The following WWOX variants were observed in gnomAD, a reference collection of about 807,000 sequenced individuals.
WWOX encodes the protein WW domain-containing oxidoreductase.
A neutral mutation model predicts 46.2 loss-of-function variants in WWOX; 69 were observed. That is an observed-to-expected ratio of 1.49 (90% CI 1.23 to 1.82). The LOEUF (loss-of-function observed/expected upper bound fraction) is 1.82. WWOX is among the 40% of genes most tolerant of loss of function. The probability of loss-of-function intolerance (pLI) is 0.00; values close to 1 mark genes in which losing one functional copy is unlikely to be tolerated. For synonymous variants in WWOX, 359 were observed against 202.6 expected (o/e 1.77, Z -6.56); for missense variants, 919 against 542.6 (o/e 1.69, Z -6.89).
At chr16:78,508,358 G>T in intron 8 of WWOX, among the ~76,000 whole-genome samples, 1 of 121,418 alleles carries the variant, frequency 8.2e-6, no homozygotes, top group African/African-American at 3.5e-5. Flanking sequence ...ATCAGCTATT[G>T]TTAGTGTTAG....
At chr16:78,495,461 GTTTT>G (rs35245820) in intron 8 of WWOX, among the ~76,000 whole-genome samples, 1 of 148,466 alleles carries the variant, frequency 6.7e-6, no homozygotes, top group Non-Finnish European at 1.5e-5. Context: ...TTTTGATAGG[GTTTT>G]TTTTCTCAAG....
At chr16:78,851,731 G>C (rs763766581) in intron 8 of WWOX, among the ~76,000 whole-genome samples, 1 of 152,144 alleles carries the variant, frequency 6.6e-6, no homozygotes, top group African/African-American at 2.4e-5. Context: ...CAAATGAAGT[G>C]GACCTCCCCT....
At chr16:78,811,205 A>G (rs761551966) in intron 8 of WWOX, among the ~76,000 whole-genome samples, 1 of 152,182 alleles carries the variant, frequency 6.6e-6, no homozygotes, top group African/African-American at 2.4e-5. Context: ...GTTGTGATCT[A>G]CCTTATGTTG....
chr16:78,642,372 T>A (rs934185055), intron 8 of WWOX, among the ~76,000 whole-genome samples: 1 of 152,210 alleles, frequency 6.6e-6, no homozygotes, highest in Non-Finnish European at 1.5e-5. Flanking sequence ...TGTCCCTTTA[T>A]GCTGACTTTC....
intron 8 of WWOX, among the ~76,000 whole-genome samples, chr16:79,137,711 C>T (rs1208664672): frequency 6.6e-6 from 1 of 152,100 alleles, no homozygotes; most frequent in African/African-American, 2.4e-5. Flanking sequence ...CGACCCTCCT[C>T]CATCCCCTTC....
chr16:79,092,149 A>C (rs1416845804), intron 8 of WWOX, among the ~76,000 whole-genome samples: 1 of 152,124 alleles, frequency 6.6e-6, no homozygotes, highest in African/African-American at 2.4e-5. Flanking sequence ...GAATTAGGGG[A>C]GTTTGCCTGT....
At chr16:78,135,756 TAGC>T (rs2033769751) in intron 4 of WWOX, among the ~76,000 whole-genome samples, 2 of 151,986 alleles carry the variant, frequency 1.3e-5, no homozygotes, top group South Asian at 4.2e-4. Flanking sequence ...AAAAAGATAA[TAGC>T]AGGGAAAATG....
intron 5 of WWOX, among the ~76,000 whole-genome samples, chr16:78,285,893 AAAGCCAGCCTCTTTATTACT>A (rs1351608641): frequency 1.3e-5 from 2 of 152,158 alleles, no homozygotes; most frequent in African/African-American, 4.8e-5. Flanking sequence ...AGTATCTTGT[AAAGCCAGCCTCTTTATTACT>A]TCACCAGTTT....
At chr16:78,317,475 A>C (rs992245812) in intron 5 of WWOX, among the ~76,000 whole-genome samples, 7 of 152,138 alleles carry the variant, frequency 4.6e-5, no homozygotes, top group African/African-American at 1.7e-4. Context: ...CCCAAATGTC[A>C]ACAGTATTCA....
intron 5 of WWOX, among the ~76,000 whole-genome samples, chr16:78,188,255 C>T (rs1052904116): frequency 2.4e-4 from 37 of 151,948 alleles, no homozygotes; most frequent in African/African-American, 8.2e-4. Flanking sequence ...TTTGGGAGGC[C>T]GAGGCGGGCA....
intron 8 of WWOX, among the ~76,000 whole-genome samples, chr16:78,481,726 TG>T (rs965445403): frequency 8.9e-6 from 1 of 112,874 alleles, no homozygotes; most frequent in Non-Finnish European, 1.7e-5. Flanking sequence ...GCAAGGGAAG[TG>T]TGTGTGTGTG....
chr16:78,802,169 G>T (rs1480726741), intron 8 of WWOX, among the ~76,000 whole-genome samples: 1 of 149,036 alleles, frequency 6.7e-6, no homozygotes, highest in Non-Finnish European at 1.5e-5. Context: ...ACAACACAAA[G>T]AGCGAAGTTT....
intron 8 of WWOX, among the ~76,000 whole-genome samples, chr16:79,038,942 A>G (rs185753431): frequency 1.1e-4 from 16 of 152,286 alleles, no homozygotes; most frequent in African/African-American, 3.9e-4. Context: ...TCATGACCAC[A>G]TATATCTATT....
At chr16:78,338,294 C>G (rs1319587918) in intron 5 of WWOX, among the ~76,000 whole-genome samples, 1 of 121,484 alleles carries the variant, frequency 8.2e-6, no homozygotes, top group African/African-American at 2.8e-5. Context: ...GAAATGTAGA[C>G]ACCAACACCC....
intron 3 of WWOX, among the ~76,000 whole-genome samples, chr16:78,113,828 TAGAATG>T (rs2032625590): frequency 6.6e-6 from 1 of 152,112 alleles, no homozygotes; most frequent in Non-Finnish European, 1.5e-5. Flanking sequence ...TTGTTATAAA[TAGAATG>T]AGGATGAGGA....
chr16:78,231,238 C>G (rs372984568), intron 5 of WWOX, among the ~76,000 whole-genome samples: 12 of 152,292 alleles, frequency 7.9e-5, no homozygotes, highest in Middle Eastern at 6.8e-3. Context: ...TTTGCAAACT[C>G]TTTTATGGAT....
At chr16:79,134,241 G>A (rs1212982485) in intron 8 of WWOX, among the ~76,000 whole-genome samples, 1 of 152,132 alleles carries the variant, frequency 6.6e-6, no homozygotes, top group Non-Finnish European at 1.5e-5. Flanking sequence ...AATAACTGCT[G>A]AGGGCAGTAC....
At chr16:78,391,125 G>A (rs758321677) in intron 6 of WWOX, among the ~76,000 whole-genome samples, 15 of 152,176 alleles carry the variant, frequency 9.9e-5, no homozygotes, top group African/African-American at 2.4e-4. Context: ...ACCACCCGCC[G>A]TCTGCCTTCT....
chr16:78,480,929 T>G (rs1418364949), intron 8 of WWOX, among the ~76,000 whole-genome samples: 2 of 152,200 alleles, frequency 1.3e-5, no homozygotes, highest in Non-Finnish European at 2.9e-5. Context: ...AGATCAGTGT[T>G]TGGATATAGT....
Sources: gnomAD v4.1 joint callset for allele counts (sites outside exome capture counted in the v4.1 genomes callset) on GRCh38, gnomAD v4.1.1 for gene constraint, MANE v1.5 for transcripts, NCBI Gene and HGNC (gene_info 2026-07-23, HGNC 2026-07-21) for gene names.